GRIK2: variants seen among roughly 807,000 people sequenced by gnomAD.
GRIK2 encodes the protein glutamate receptor ionotropic, kainate 2.
Under a neutral mutation model 100.3 loss-of-function variants are expected in GRIK2, and 32 were observed. The ratio of observed to expected loss-of-function variants is 0.32; its 90% CI spans 0.24 to 0.43. The LOEUF (loss-of-function observed/expected upper bound fraction) is 0.43, where lower values mean the gene tolerates loss of function less well. Among genes scored for constraint, GRIK2 ranks in the 20% least tolerant of loss-of-function variants. GRIK2 has a pLI of 1.00. For missense variants in GRIK2, 843 were observed against 1,114.9 expected, an observed-to-expected ratio of 0.76 and a Z score of 3.47; for synonymous variants, 417 against 389.4, an observed-to-expected ratio of 1.07 and a Z score of -0.83.
chr6:101,646,382 T>C (rs981096728), intron 4 of GRIK2, among the ~76,000 whole-genome samples: 1 of 151,940 alleles, frequency 6.6e-6, no homozygotes, highest in African/African-American at 2.4e-5. Flanking sequence ...TTGCTGAATT[T>C]AGTAAATTCT....
chr6:101,851,101 A>T (rs1784103897), intron 10 of GRIK2, among the ~76,000 whole-genome samples: 1 of 152,090 alleles, frequency 6.6e-6, no homozygotes, highest in Non-Finnish European at 1.5e-5. Flanking sequence ...AGATCCATAA[A>T]TACTAAAAAG....
intron 2 of GRIK2, among the ~76,000 whole-genome samples, chr6:101,540,202 T>C (rs1039541679): frequency 3.3e-5 from 5 of 151,910 alleles, no homozygotes; most frequent in South Asian, 2.1e-4. Context: ...ATTCTGACAA[T>C]TTACTTTGGT....
At chr6:102,055,225 C>T in intron 15 of GRIK2, 105 bp from the exon 16 acceptor site, 1 of 789,090 alleles carries the variant, frequency 1.3e-6, no homozygotes, top group South Asian at 2.0e-5. Context: ...CATTGGCACA[C>T]TTTGAAGCAT....
chr6:101,514,280 G>A (rs944030357), intron 2 of GRIK2, among the ~76,000 whole-genome samples: 3 of 151,794 alleles, frequency 2.0e-5, no homozygotes, highest in East Asian at 1.9e-4. Flanking sequence ...TGGCTCCAAC[G>A]ATTGGAGGAA....
intron 14 of GRIK2, among the ~76,000 whole-genome samples, chr6:102,003,971 TTC>T (rs1351793546): frequency 1.3e-5 from 2 of 151,614 alleles, no homozygotes; most frequent in Admixed American, 6.6e-5. Context: ...ATTTTCTTTT[TTC>T]TCTCTTATTA....
chr6:101,539,011 T>C (rs376337940), intron 2 of GRIK2, among the ~76,000 whole-genome samples: 5 of 151,268 alleles, frequency 3.3e-5, no homozygotes. Flanking sequence ...AAATCTGGCA[T>C]GTTGAAAAAA....
At chr6:101,763,219 G>A (rs751110010) in intron 7 of GRIK2, among the ~76,000 whole-genome samples, 19 of 152,188 alleles carry the variant, frequency 1.2e-4, no homozygotes, top group Non-Finnish European at 1.9e-4. Flanking sequence ...ATGACAATGT[G>A]GTAAGAACAT....
chr6:101,568,329 C>T (rs1777378119), intron 2 of GRIK2, among the ~76,000 whole-genome samples: 1 of 151,970 alleles, frequency 6.6e-6, no homozygotes, highest in Non-Finnish European at 1.5e-5. Flanking sequence ...TTGACATGCT[C>T]ACAACCATGG....
At chr6:101,717,750 T>A (rs1774172119) in intron 7 of GRIK2, among the ~76,000 whole-genome samples, 1 of 151,780 alleles carries the variant, frequency 6.6e-6, no homozygotes, top group Non-Finnish European at 1.5e-5. Flanking sequence ...TCAATTTAAA[T>A]TTTTCATTGA....
chr6:101,816,587 A>G (rs1021394973), intron 9 of GRIK2, among the ~76,000 whole-genome samples: 15 of 152,182 alleles, frequency 9.9e-5, no homozygotes, highest in Non-Finnish European at 2.2e-4. Context: ...GCTACTCGGG[A>G]GGCTGAGGCA....
intron 10 of GRIK2, among the ~76,000 whole-genome samples, chr6:101,841,838 G>A (rs1170460208): frequency 7.1e-6 from 1 of 140,720 alleles, no homozygotes; most frequent in Non-Finnish European, 1.5e-5. Flanking sequence ...TAGCAGAAGA[G>A]CAGACCATTT....
intron 2 of GRIK2, among the ~76,000 whole-genome samples, chr6:101,494,037 AT>A (rs1562178020): frequency 7.0e-6 from 1 of 142,966 alleles, no homozygotes; most frequent in Non-Finnish European, 1.5e-5. Flanking sequence ...TATATAATTT[AT>A]TATATAAAAT....
intron 14 of GRIK2, among the ~76,000 whole-genome samples, chr6:101,982,463 G>T (rs1213560011): frequency 1.3e-5 from 2 of 151,806 alleles, no homozygotes; most frequent in African/African-American, 4.8e-5. Flanking sequence ...AGCCATTTAA[G>T]AAGCTGAAGA....
chr6:101,584,173 C>T (rs1009740072), intron 2 of GRIK2, among the ~76,000 whole-genome samples: 1 of 151,934 alleles, frequency 6.6e-6, no homozygotes, highest in Non-Finnish European at 1.5e-5. Context: ...TCTTGTAATT[C>T]CACTTCATTT....
Position 102,068,659 on chromosome 6 carries a change from A to G in GRIK2, c.*148A>G. 1 of 638,958 alleles carries G rather than the reference A, an allele frequency of 1.6e-6. No homozygotes were observed. Among genetic ancestry groups the G allele is most frequent in the Non-Finnish European group, 2.7e-6 (1 of 372,234 alleles). The allele number at this position is 638,958 out of a possible 1,614,324, so 39.6% of individuals were successfully genotyped here. Reference sequence around the variant, plus strand: ...CTATGAACTAGAGACTCTGTGATCTAAGCAGTTGCAATGATCAGACTTGAT... The same window carrying G: ...CTATGAACTAGAGACTCTGTGATCTGAGCAGTTGCAATGATCAGACTTGAT... On this transcript the variant is annotated 3_prime_UTR_variant, in exon 17 of 17. Coordinates refer to ENST00000369134, the MANE Select transcript of GRIK2 (RefSeq NM_021956.5).
intron 9 of GRIK2, among the ~76,000 whole-genome samples, chr6:101,814,936 C>G (rs772186208): frequency 1.3e-5 from 2 of 152,088 alleles, no homozygotes; most frequent in African/African-American, 4.8e-5. Context: ...ATGTTGAATA[C>G]TTTTTCATTT....
chr6:101,905,686 C>T (rs1788169897), intron 12 of GRIK2, among the ~76,000 whole-genome samples: 2 of 151,270 alleles, frequency 1.3e-5, no homozygotes, highest in Admixed American at 6.6e-5. Context: ...CTACATCTAT[C>T]AATCATCTAC....
At chr6:101,761,424 A>T (rs1403897664) in intron 7 of GRIK2, among the ~76,000 whole-genome samples, 1 of 152,154 alleles carries the variant, frequency 6.6e-6, no homozygotes, top group Non-Finnish European at 1.5e-5. Flanking sequence ...CTGACTCATT[A>T]GGAAATCAGT....
At chr6:101,947,703 T>C (rs752847233) in intron 14 of GRIK2, among the ~76,000 whole-genome samples, 9 of 152,214 alleles carry the variant, frequency 5.9e-5, no homozygotes, top group Non-Finnish European at 1.3e-4. Flanking sequence ...CTGCCTCTTA[T>C]TATAACAAAG....
Sources: gnomAD v4.1 joint callset for allele counts (sites outside exome capture counted in the v4.1 genomes callset) on GRCh38, gnomAD v4.1.1 for gene constraint, MANE v1.5 for transcripts, NCBI Gene and HGNC (gene_info 2026-07-23, HGNC 2026-07-21) for gene names.